The following VPS13D variants were observed in gnomAD, a reference collection of about 807,000 sequenced individuals.
VPS13D encodes intermembrane lipid transfer protein VPS13D.
VPS13D carries 187 observed loss-of-function variants against 461.9 expected under a neutral mutation model. The observed-to-expected ratio is 0.40, with a 90% CI of 0.36 to 0.46. VPS13D has a LOEUF of 0.46. VPS13D is among the 20% of genes least tolerant of loss of function. The pLI is 0.60. For missense variants in VPS13D, 4,711 were observed against 5,364.9 expected (o/e 0.88, Z 3.81); for synonymous variants, 1,951 against 1,986.3 (o/e 0.98, Z 0.47).
At chr1:12,285,717 A>G (rs776050302) in intron 21 of VPS13D, among the ~76,000 whole-genome samples, 4 of 152,176 alleles carry the variant, frequency 2.6e-5, no homozygotes, top group Non-Finnish European at 4.4e-5. Flanking sequence ...ATTCCTTGGT[A>G]TTTTCTAACA....
intron 68 of VPS13D, among the ~76,000 whole-genome samples, chr1:12,499,148 C>T (rs1376164335): frequency 6.6e-6 from 1 of 151,940 alleles, no homozygotes; most frequent in Non-Finnish European, 1.5e-5. Flanking sequence ...AGAGACCCCC[C>T]ATCCAAATTT....
rs535203904 is a variant in VPS13D, at chr1:12,405,110, A to C, written c.12030+1137A>C. Among the ~76,000 whole-genome samples the C allele has an allele frequency of 3.9e-5, 6 of 152,340 alleles. No homozygotes were observed. The South Asian group carries it at 1.2e-3, about 32-fold the overall frequency. On this transcript the variant is annotated intron_variant, in intron 63 of 69. Transcript: ENST00000620676. ...CAGGAGCTGCGCTGGCGATGCAGCG[A>C]GTGGAGCTGCACACCGGGGTGGTGT...
At chr1:12,466,764 T>C (rs1311424771) in intron 67 of VPS13D, among the ~76,000 whole-genome samples, 1 of 152,262 alleles carries the variant, frequency 6.6e-6, no homozygotes, top group Non-Finnish European at 1.5e-5. Context: ...TGGCTTGGTG[T>C]AACATCTGCT....
At position 12,329,837 on chromosome 1, in the gene VPS13D, T is replaced by A. The variant is rs146401677; in HGVS notation, c.8206T>A (p.Phe2736Ile). ...LAELTFSRLN[F>I]LQRVRTSPEG... is the part of the protein sequence containing the mutation. ...GTTTGCTTTCATTGCAGGTCTGAAT[T>A]TTCTTCAGCGTGTAAGAACTAGCCC... The change falls in exon 37 of 70, where the codon TTT (phenylalanine) becomes ATT (isoleucine). Residue 2736 changes from phenylalanine (F) to isoleucine (I), a missense_variant. Coordinates refer to ENST00000620676, the MANE Select transcript of VPS13D (RefSeq NM_015378.4). 3.1e-6 allele frequency: 5 copies of A among 1,614,024 alleles called. No homozygotes were observed. In the African/African-American group the frequency reaches 6.7e-5, roughly 22 times the overall value.
intron 60 of VPS13D, among the ~76,000 whole-genome samples, chr1:12,397,079 G>A (rs146101878): frequency 0.022 from 3,307 of 152,224 alleles, 62 homozygotes; most frequent in African/African-American, 0.038. Context: ...GATTACAGGT[G>A]CCCGCCACCA....
intron 39 of VPS13D, chr1:12,337,348 A>T (rs1002605663): frequency 6.6e-6 from 1 of 152,208 alleles, no homozygotes; most frequent in Non-Finnish European, 1.5e-5. Flanking sequence ...ATTTATTTTG[A>T]AAGTGAGTAG....
intron 22 of VPS13D, among the ~76,000 whole-genome samples, chr1:12,288,797 G>A (rs1642046434): frequency 1.3e-5 from 2 of 152,218 alleles, no homozygotes; most frequent in East Asian, 3.9e-4. Flanking sequence ...GCTACCAGTA[G>A]AGGCCATGGT....
chr1:12,386,291 T>C lies in VPS13D; in HGVS notation c.11591T>C (p.Leu3864Pro), dbSNP rs1644350285. 1 of 1,612,296 alleles carries C rather than the reference T, an allele frequency of 6.2e-7. No homozygotes were observed. The highest frequency in any genetic ancestry group is 8.5e-7 in the Non-Finnish European group (1 of 1,179,272). The change falls in exon 60 of 70, where the codon CTG (leucine) becomes CCG (proline). Residue 3864 changes from leucine (L) to proline (P), a missense_variant. Coordinates refer to ENST00000620676, the MANE Select transcript of VPS13D (RefSeq NM_015378.4). ...GGAATCAATGTGCACTATACACAGC[T>C]GGCAACCAGTCACATGCTTGAACTC... The part of the protein sequence containing the change: ...LTGINVHYTQ[L>P]ATSHMLELSI...
intron 36 of VPS13D, 78 bp from the exon 37 acceptor site, chr1:12,329,751 T>G: frequency 9.8e-7 from 1 of 1,020,788 alleles, no homozygotes; most frequent in East Asian, 2.4e-5. Flanking sequence ...AGCTCTAATG[T>G]TTCTTTAATG....
intron 63 of VPS13D, among the ~76,000 whole-genome samples, chr1:12,407,692 G>T (rs1644673124): frequency 6.6e-6 from 1 of 152,162 alleles, no homozygotes; most frequent in Non-Finnish European, 1.5e-5. Context: ...AGCAGTAAAT[G>T]ACTAGGTAAG....
At chr1:12,442,190 A>G (rs1206797683) in intron 65 of VPS13D, among the ~76,000 whole-genome samples, 1 of 152,228 alleles carries the variant, frequency 6.6e-6, no homozygotes, top group Non-Finnish European at 1.5e-5. Flanking sequence ...AGATTAAAAA[A>G]GTAGAAACAA....
intron 17 of VPS13D, among the ~76,000 whole-genome samples, chr1:12,272,078 G>C (rs1641459130): frequency 6.6e-6 from 1 of 152,202 alleles, no homozygotes; most frequent in South Asian, 2.1e-4. Flanking sequence ...TGTAGTCCCA[G>C]CTGTTCAGGA....
At chr1:12,462,692 T>C (rs941379957) in intron 67 of VPS13D, among the ~76,000 whole-genome samples, 1 of 152,220 alleles carries the variant, frequency 6.6e-6, no homozygotes, top group African/African-American at 2.4e-5. Context: ...CAGAGTCAGT[T>C]AGTGTCAAGA....
At chr1:12,436,765 T>C (rs912956646) in intron 65 of VPS13D, among the ~76,000 whole-genome samples, 2 of 152,156 alleles carry the variant, frequency 1.3e-5, no homozygotes, top group African/African-American at 2.4e-5. Flanking sequence ...GCCTCCCAGA[T>C]TCAAGCAATT....
At chr1:12,322,841 A>C in intron 34 of VPS13D, 95 bp downstream of exon 34, 1 of 1,044,702 alleles carries the variant, frequency 9.6e-7, no homozygotes, top group Non-Finnish European at 1.4e-6. Context: ...AATTGTACAC[A>C]GTTTAATTGT....
chr1:12,491,744 C>G (rs1222855038), intron 67 of VPS13D, among the ~76,000 whole-genome samples: 1 of 152,214 alleles, frequency 6.6e-6, no homozygotes, highest in Non-Finnish European at 1.5e-5. Context: ...TGCTGTACAG[C>G]AGACTCCCTG....
intron 49 of VPS13D, among the ~76,000 whole-genome samples, chr1:12,357,727 C>T (rs577711801): frequency 6.6e-6 from 1 of 152,210 alleles, no homozygotes; most frequent in Non-Finnish European, 1.5e-5. Context: ...AGTATCAGGC[C>T]GGCTGGGTAC....
Position 12,510,873 on chromosome 1 carries a change from G to A in VPS13D, c.*1849G>A, listed in dbSNP as rs1192998446. 6.6e-6 allele frequency: 1 copy of A among 152,332 alleles called. No homozygotes were observed. Among genetic ancestry groups the A allele is most frequent in the Non-Finnish European group, 1.5e-5 (1 of 68,214 alleles). 9.4% of individuals were successfully genotyped at this position (152,332 alleles called of 1,614,324 possible). On this transcript the variant is annotated 3_prime_UTR_variant, in exon 70 of 70. Transcript: ENST00000620676. ...CCCTCCTTGCACCCCCACAGGTTTGGCTTGTGGTTTTTGTCATCAGTAACC... is the reference window on the plus strand; with the variant it reads ...CCCTCCTTGCACCCCCACAGGTTTGACTTGTGGTTTTTGTCATCAGTAACC...
At chr1:12,492,232 C>G (rs1645892619) in intron 67 of VPS13D, among the ~76,000 whole-genome samples, 1 of 152,242 alleles carries the variant, frequency 6.6e-6, no homozygotes, top group Admixed American at 6.5e-5. Context: ...GGATCTGCAG[C>G]TACTCCACTT....
Sources: gnomAD v4.1 joint callset for allele counts (sites outside exome capture counted in the v4.1 genomes callset) on GRCh38, gnomAD v4.1.1 for gene constraint, MANE v1.5 for transcripts, NCBI Gene and HGNC (gene_info 2026-07-23, HGNC 2026-07-21) for gene names.